The following ST18 variants were observed in gnomAD, a reference collection of about 807,000 sequenced individuals.
ST18 encodes the protein suppression of tumorigenicity 18 protein.
In ST18, 50 loss-of-function variants were observed where a neutral mutation model predicts 110.0. The observed-to-expected ratio is 0.45, with a 90% CI of 0.36 to 0.58. The LOEUF is 0.58. Ranked by LOEUF, ST18 falls within the 20% of genes least tolerant of loss-of-function variation. The pLI, the probability that ST18 is intolerant of heterozygous loss-of-function variation, is 0.00. For missense variants in ST18, 1,306 were observed against 1,280.1 expected, an observed-to-expected ratio of 1.02 and a Z score of -0.31; for synonymous variants, 461 against 452.4, an observed-to-expected ratio of 1.02 and a Z score of -0.24.
chr8:52,396,130 T>C (rs1841038917), intron 2 of ST18, among the ~76,000 whole-genome samples: 1 of 152,216 alleles, frequency 6.6e-6, no homozygotes, highest in Non-Finnish European at 1.5e-5. Flanking sequence ...CTTCATCTCA[T>C]GTAGTTACTT....
intron 2 of ST18, among the ~76,000 whole-genome samples, chr8:52,358,729 C>G (rs1297959461): frequency 6.6e-6 from 1 of 151,786 alleles, no homozygotes; most frequent in Non-Finnish European, 1.5e-5. Flanking sequence ...ATACAACTAC[C>G]ACTAAAGACT....
In ST18 at chr8:52,277,008, T is replaced by G. The variant is rs542869197; in HGVS notation, c.-464-46931A>C. On this transcript the variant is annotated intron_variant, in intron 2 of 25. Coordinates refer to ENST00000689386, the MANE Select transcript of ST18 (RefSeq NM_001352837.2). ...TCACGAACTCCTGACCTCAGGTGAT[T>G]CACCCACCTTGGCCTCCCAAAGTGC... Among the ~76,000 whole-genome samples the G allele has an allele frequency of 3.4e-4, 52 of 152,160 alleles. 1 individual carries two copies. The South Asian group carries it at 7.5e-3, about 22-fold the overall frequency.
intron 14 of ST18, 122 bp from the exon 15 acceptor site, chr8:52,159,231 T>C (rs1239554361): frequency 4.5e-6 from 4 of 888,522 alleles, no homozygotes; most frequent in Non-Finnish European, 3.4e-6. Context: ...TAAAACACGT[T>C]CCATTATCCA....
chr8:52,156,745 G>A (rs62500999), intron 15 of ST18, among the ~76,000 whole-genome samples: 32,859 of 152,140 alleles, frequency 0.22, 3,786 homozygotes, highest in African/African-American at 0.29. Flanking sequence ...GTGCACGTGC[G>A]TGTGTGCATG....
At chr8:52,303,127 C>A (rs1589747067) in intron 2 of ST18, among the ~76,000 whole-genome samples, 1 of 152,210 alleles carries the variant, frequency 6.6e-6, no homozygotes, top group South Asian at 2.1e-4. Context: ...AAATTGGTGG[C>A]TTAAAATGAC....
intron 8 of ST18, among the ~76,000 whole-genome samples, chr8:52,195,969 A>G (rs1248787805): frequency 6.6e-6 from 1 of 152,210 alleles, no homozygotes; most frequent in African/African-American, 2.4e-5. Context: ...TTGTAAATTC[A>G]CAAACATCTA....
At chr8:52,239,701 G>T (rs1246821261) in intron 2 of ST18, among the ~76,000 whole-genome samples, 1 of 152,170 alleles carries the variant, frequency 6.6e-6, no homozygotes, top group Non-Finnish European at 1.5e-5. Flanking sequence ...TCCCCAACGT[G>T]TGGTCTCTAT....
At chr8:52,208,161 A>T (rs1025520932) in intron 8 of ST18, among the ~76,000 whole-genome samples, 24 of 152,326 alleles carry the variant, frequency 1.6e-4, no homozygotes, top group African/African-American at 5.1e-4. Context: ...TGCCATGAAG[A>T]ATATACAGTA....
intron 8 of ST18, among the ~76,000 whole-genome samples, chr8:52,201,976 G>C (rs1011840300): frequency 6.6e-6 from 1 of 152,186 alleles, no homozygotes; most frequent in African/African-American, 2.4e-5. Flanking sequence ...GCAGAAAAAT[G>C]AATTAGAAAC....
chr8:52,358,733 A>G (rs558404642), intron 2 of ST18, among the ~76,000 whole-genome samples: 2 of 152,056 alleles, frequency 1.3e-5, no homozygotes, highest in South Asian at 2.1e-4. Flanking sequence ...AACTACCACT[A>G]AAGACTAAGC....
intron 8 of ST18, among the ~76,000 whole-genome samples, chr8:52,187,430 G>A (rs2072754598): frequency 6.6e-6 from 1 of 152,164 alleles, no homozygotes; most frequent in Non-Finnish European, 1.5e-5. Flanking sequence ...TACTGTCCTT[G>A]AAACTATCCA....
rs113854828 is a variant in ST18 at position 52,156,162 on chromosome 8, A to T, written c.1806+2736T>A. ...AGGCAGGGACAGCTCCCAGAGGGTC[A>T]CTTCTTTTCTCTTGCTTTGTTGGTA... On this transcript the variant is annotated intron_variant, in intron 15 of 25. Transcript: ENST00000689386. Among the ~76,000 whole-genome samples the T allele has an allele frequency of 1.7e-3, 253 of 152,280 alleles. 2 individuals are homozygous for T. The highest frequency in any genetic ancestry group is 5.7e-3 in the African/African-American group (236 of 41,558).
intron 17 of ST18, chr8:52,137,759 T>C: frequency 2.6e-6 from 1 of 379,698 alleles, no homozygotes; most frequent in South Asian, 4.6e-5. Context: ...GAAAGTGATG[T>C]CCTTGTGATG....
chr8:52,190,705 G>C (rs1216479701), intron 8 of ST18, among the ~76,000 whole-genome samples: 3 of 152,170 alleles, frequency 2.0e-5, no homozygotes, highest in Non-Finnish European at 4.4e-5. Flanking sequence ...TCCTTTGTCA[G>C]GATATAGTTT....
At chr8:52,378,841 G>T (rs1483583531) in intron 2 of ST18, among the ~76,000 whole-genome samples, 1 of 152,090 alleles carries the variant, frequency 6.6e-6, no homozygotes, top group Non-Finnish European at 1.5e-5. Flanking sequence ...GAATGTGCTA[G>T]AATTCCTACC....
intron 6 of ST18, among the ~76,000 whole-genome samples, chr8:52,216,170 A>G (rs2084124777): frequency 6.6e-6 from 1 of 152,228 alleles, no homozygotes; most frequent in African/African-American, 2.4e-5. Context: ...TTTCAGAAGC[A>G]TACTTAAGTG....
chr8:52,212,719 T>C (rs1356459065), intron 7 of ST18, among the ~76,000 whole-genome samples: 1 of 152,130 alleles, frequency 6.6e-6, no homozygotes, highest in Non-Finnish European at 1.5e-5. Flanking sequence ...AAGCAGCATA[T>C]TGAGAGAGAC....
chr8:52,153,281 G>A (rs2059247338), intron 15 of ST18, among the ~76,000 whole-genome samples: 1 of 152,184 alleles, frequency 6.6e-6, no homozygotes, highest in African/African-American at 2.4e-5. Context: ...ATGAATACAG[G>A]ATGGGTCACC....
chr8:52,243,222 G>T (rs1334965125), intron 2 of ST18, among the ~76,000 whole-genome samples: 1 of 152,140 alleles, frequency 6.6e-6, no homozygotes, highest in African/African-American at 2.4e-5. Flanking sequence ...AAATTCATAG[G>T]ATGTTTTAAT....
Sources: allele counts gnomAD v4.1 joint callset (sites outside exome capture counted in the v4.1 genomes callset), GRCh38; gene constraint gnomAD v4.1.1; transcripts MANE v1.5; gene names NCBI Gene and HGNC (gene_info 2026-07-23, HGNC 2026-07-21).